IQSEC1: variants seen among roughly 807,000 people sequenced by gnomAD.
IQSEC1 encodes the protein IQ motif and SEC7 domain-containing protein 1.
In IQSEC1, 31 loss-of-function variants were observed where a neutral mutation model predicts 91.0. That is an observed-to-expected ratio of 0.34 (90% confidence interval 0.26 to 0.46). The LOEUF (loss-of-function observed/expected upper bound fraction) is 0.46. Ranked by LOEUF, IQSEC1 falls within the 20% of genes least tolerant of loss-of-function variation. IQSEC1 has a pLI of 1.00. For missense variants in IQSEC1, 1,388 were observed against 1,575.6 expected, an observed-to-expected ratio of 0.88 and a Z score of 2.02; for synonymous variants, 699 against 662.6, an observed-to-expected ratio of 1.05 and a Z score of -0.84.
At chr3:13,124,715 C>T (rs1293060579) in intron 2 of IQSEC1, among the ~76,000 whole-genome samples, 1 of 152,184 alleles carries the variant, frequency 6.6e-6, no homozygotes, top group African/African-American at 2.4e-5. Flanking sequence ...CTCGGGGGCC[C>T]CGCCCATCAG....
intron 9 of IQSEC1, among the ~76,000 whole-genome samples, chr3:12,912,219 C>T (rs1275404479): frequency 6.6e-6 from 1 of 152,218 alleles, no homozygotes; most frequent in Non-Finnish European, 1.5e-5. Context: ...TCCTTGGCTG[C>T]TATTCTGGTC....
chr3:13,272,857 C>T (rs1695612028), intron 1 of IQSEC1, among the ~76,000 whole-genome samples: 1 of 152,158 alleles, frequency 6.6e-6, no homozygotes, highest in African/African-American at 2.4e-5. Flanking sequence ...TGAGATAACA[C>T]ATCGTACAAA....
intron 1 of IQSEC1, among the ~76,000 whole-genome samples, chr3:13,264,766 T>C (rs1695455272): frequency 1.3e-5 from 2 of 151,670 alleles, no homozygotes; most frequent in Non-Finnish European, 2.9e-5. Flanking sequence ...ATACAGTCTC[T>C]GCCTCTCTCG....
chr3:12,925,748 ATG>A (rs1188896403), intron 3 of IQSEC1, among the ~76,000 whole-genome samples: 1 of 152,168 alleles, frequency 6.6e-6, no homozygotes, highest in Non-Finnish European at 1.5e-5. Flanking sequence ...AGGGCACGGC[ATG>A]TGTGTCGTGG....
At chr3:13,093,077 C>T (rs647792) in intron 2 of IQSEC1, among the ~76,000 whole-genome samples, 81,861 of 151,732 alleles carry the variant, frequency 0.54, 22,381 homozygotes, top group African/African-American at 0.63. Context: ...TTAGCCTAAC[C>T]CAGGTAACAA....
At chr3:13,057,578 G>T (rs938641131) in intron 1 of IQSEC1, among the ~76,000 whole-genome samples, 3 of 152,204 alleles carry the variant, frequency 2.0e-5, no homozygotes, top group Non-Finnish European at 2.9e-5. Context: ...ACACCCCACT[G>T]TCCCCAGCCC....
intron 1 of IQSEC1, among the ~76,000 whole-genome samples, chr3:12,958,899 C>T (rs1304359597): frequency 1.3e-5 from 2 of 152,198 alleles, no homozygotes; most frequent in African/African-American, 4.8e-5. Context: ...GGTGGCACAG[C>T]ACCGGGTGAT....
chr3:12,942,596 C>T (rs1575995620), intron 1 of IQSEC1, among the ~76,000 whole-genome samples: 2 of 151,162 alleles, frequency 1.3e-5, no homozygotes, highest in East Asian at 3.9e-4. Context: ...GAGCAAGACT[C>T]CGTCTCTAAA....
In IQSEC1 at chr3:13,282,869, C is replaced by G. The variant is rs1250630579; in HGVS notation, c.114G>C (p.Glu38Asp). Among the ~76,000 whole-genome samples the G allele has an allele frequency of 6.8e-6, 1 of 147,796 alleles. No individual in the cohort carries two copies. The highest frequency in any genetic ancestry group is 2.4e-5 in the African/African-American group (1 of 40,974). The stretch of plus-strand genomic sequence containing the variant: ...TCAGCCGCGCCACTTGGCGCTCCAG[C>G]TCCTCGATGCGCCGTCGCCGGCGCG... The change falls in exon 1 of 16, where the codon GAG becomes GAC. Residue 38 changes from glutamate (E) to aspartate (D), a missense_variant. Coordinates refer to the IQSEC1 transcript ENST00000648114. The surrounding 1 kb of genome is among the most constrained non-coding windows in gnomAD (Gnocchi z 6.4).
chr3:13,278,898 C>T lies in IQSEC1; in HGVS notation c.272+3813G>A, dbSNP rs558436190. ...CATCTGAGTACAAATCCTGGCTCCA[C>T]CCCGTAGCCAGATGGGAGAGCTTGG... is the stretch of plus-strand genomic sequence containing the variant. On this transcript the variant is annotated intron_variant, in intron 1 of 15. Coordinates refer to the IQSEC1 transcript ENST00000648114. Among the ~76,000 whole-genome samples the T allele has an allele frequency of 3.9e-5, 6 of 152,286 alleles. No individual in the cohort carries two copies. The South Asian group carries it at 1.0e-3, about 26-fold the overall frequency.
chr3:13,055,952 G>A (rs1704863660), intron 1 of IQSEC1, among the ~76,000 whole-genome samples: 1 of 145,820 alleles, frequency 6.9e-6, no homozygotes, highest in Non-Finnish European at 1.5e-5. Flanking sequence ...CTGCCAAGTA[G>A]CACCACCGAG....
chr3:13,106,239 G>A (rs934293533), intron 2 of IQSEC1, among the ~76,000 whole-genome samples: 7 of 152,038 alleles, frequency 4.6e-5, no homozygotes, highest in South Asian at 4.1e-4. Flanking sequence ...AAGCCTCCCC[G>A]TTTCCCCTCC....
chr3:13,072,563 C>A (rs1426027308), intron 1 of IQSEC1, among the ~76,000 whole-genome samples: 1 of 152,240 alleles, frequency 6.6e-6, no homozygotes, highest in Non-Finnish European at 1.5e-5. Flanking sequence ...GAGGACGCAG[C>A]ATCCTGGCCA....
chr3:13,151,666 C>A (rs557723390), intron 2 of IQSEC1, among the ~76,000 whole-genome samples: 27 of 152,336 alleles, frequency 1.8e-4, no homozygotes, highest in Non-Finnish European at 3.7e-4. Flanking sequence ...GTCTACATCA[C>A]TAGAAAGAGT....
At chr3:13,105,174 G>A (rs978793334) in intron 2 of IQSEC1, among the ~76,000 whole-genome samples, 8 of 152,040 alleles carry the variant, frequency 5.3e-5, no homozygotes, top group African/African-American at 1.9e-4. Flanking sequence ...ACCTCTACAC[G>A]GGACAACACT....
chr3:12,967,383 T>C lies in IQSEC1; in HGVS notation c.24-25518A>G, dbSNP rs1339134582. 1.3e-6 allele frequency: 2 copies of C among 1,533,962 alleles called. No individual in the cohort carries two copies. The highest frequency in any genetic ancestry group is 2.5e-5 in the East Asian group (1 of 40,204). On this transcript the variant is annotated intron_variant, in intron 1 of 13. Coordinates refer to ENST00000613206, the MANE Select transcript of IQSEC1 (RefSeq NM_001134382.3). The surrounding 1 kb of genome is among the most constrained non-coding windows in gnomAD (Gnocchi z 5.9). ...AGGCCGCTCGCCCCGCGCCGCGCCC[T>C]CACCCGCTGTCAAGCTCTAGCTCCA...
chr3:13,154,438 CATATATATATATAT>C (rs774589168), intron 2 of IQSEC1, among the ~76,000 whole-genome samples: 210 of 20,760 alleles, frequency 0.01, 25 homozygotes, highest in African/African-American at 0.036. Context: ...AACTTACATG[CATATATATATATAT>C]ATATATATAT....
At chr3:13,100,076 G>A (rs1402471552) in intron 2 of IQSEC1, among the ~76,000 whole-genome samples, 2 of 147,978 alleles carry the variant, frequency 1.4e-5, no homozygotes, top group Non-Finnish European at 3.0e-5. Flanking sequence ...GGAGGAGTCC[G>A]CTGGATTTGT....
chr3:13,214,420 C>T lies in IQSEC1; in HGVS notation c.273-50287G>A, dbSNP rs534724525. Among the ~76,000 whole-genome samples the T allele has an allele frequency of 3.3e-5, 5 of 152,362 alleles. No individual in the cohort carries two copies. The highest frequency in any genetic ancestry group is 7.2e-5 in the African/African-American group (3 of 41,584). Reference sequence around the variant, plus strand: ...GCACACGGCAGGGCTGCAGCAAGCTCGAGCCAGAACTCTGGCCGTGGCCCC... The same window carrying T: ...GCACACGGCAGGGCTGCAGCAAGCTTGAGCCAGAACTCTGGCCGTGGCCCC... On this transcript the variant is annotated intron_variant, in intron 1 of 15. Coordinates refer to the IQSEC1 transcript ENST00000648114. The surrounding 1 kb of genome is among the most constrained non-coding windows in gnomAD (Gnocchi z 4.5).
Sources: gnomAD v4.1 joint callset for allele counts (sites outside exome capture counted in the v4.1 genomes callset) on GRCh38, gnomAD v4.1.1 for gene constraint, Gnocchi (gnomAD v3.1) non-coding constraint, MANE v1.5 for transcripts, NCBI Gene and HGNC (gene_info 2026-07-23, HGNC 2026-07-21) for gene names.